NAA50: variants seen among roughly 807,000 people sequenced by gnomAD.
The protein encoded by NAA50 is N-alpha-acetyltransferase 50.
Under a neutral mutation model 20.7 loss-of-function variants are expected in NAA50, and 7 were observed. The ratio of observed to expected loss-of-function variants is 0.34; its 90% CI spans 0.19 to 0.63. NAA50 has a LOEUF of 0.63. Ranked by LOEUF, NAA50 falls within the 30% of genes least tolerant of loss-of-function variation. The probability of loss-of-function intolerance (pLI) is 0.75; values close to 1 mark genes in which losing one functional copy is unlikely to be tolerated. For synonymous variants in NAA50, 54 were observed against 70.6 expected (o/e 0.77, Z 1.18); for missense variants, 111 against 199.1 (o/e 0.56, Z 2.66).
chr3:113,722,454 T>A (rs1201880426), intron 4 of NAA50, among the ~76,000 whole-genome samples: 1 of 152,180 alleles, frequency 6.6e-6, no homozygotes, highest in Non-Finnish European at 1.5e-5. Flanking sequence ...ATCTTAGTCA[T>A]AACTCTTTAT....
rs907083745 is a variant in NAA50 at position 113,720,352 on chromosome 3, ATTATT to A, written c.*1403_*1407del. ...ATGACAGAAAGCTCAAGCCCTGTGC[ATTATT>A]TTAAAGTCTGAGAACATTTCTAAAT... is the stretch of plus-strand genomic sequence containing the variant. On this transcript the variant is annotated 3_prime_UTR_variant, in exon 5 of 5. Coordinates refer to ENST00000240922, the MANE Select transcript of NAA50 (RefSeq NM_025146.4). The A allele has an allele frequency of 5.2e-5, 8 of 152,520 alleles. No homozygotes were observed. Among genetic ancestry groups the A allele is most frequent in the East Asian group, 1.9e-4 (1 of 5,206 alleles). The allele number at this position is 152,520 out of a possible 1,614,324, so 9.4% of individuals were successfully genotyped here. A position where few individuals can be genotyped will look rare whatever the true frequency, so the allele number is the denominator to read the frequency against.
chr3:113,735,491 G>C (rs1364132048), intron 1 of NAA50, among the ~76,000 whole-genome samples: 2 of 152,166 alleles, frequency 1.3e-5, no homozygotes, highest in Admixed American at 6.5e-5. Context: ...ACGGGTCATT[G>C]GAAAAACTAT....
Position 113,719,971 on chromosome 3 carries a change from GAAGAT to G in NAA50, c.*1784_*1788del, listed in dbSNP as rs1708112899. ...CAAGAGCAAGCTGAAGCTTATTCATGAAGATAAAGGTGCTTAACGCTAAACTTTTC... is the reference window on the plus strand; with the variant it reads ...CAAGAGCAAGCTGAAGCTTATTCATGAAAGGTGCTTAACGCTAAACTTTTC... On this transcript the variant is annotated 3_prime_UTR_variant, in exon 5 of 5. Transcript: ENST00000240922. The G allele has an allele frequency of 6.6e-6, 1 of 152,634 alleles. No individual in the cohort carries two copies. Among genetic ancestry groups the G allele is most frequent in the Non-Finnish European group, 1.5e-5 (1 of 68,028 alleles). 9.5% of individuals were successfully genotyped at this position (152,634 alleles called of 1,614,324 possible).
intron 1 of NAA50, among the ~76,000 whole-genome samples, chr3:113,726,573 G>A (rs1466164831): frequency 2.6e-5 from 4 of 151,708 alleles, no homozygotes; most frequent in African/African-American, 9.7e-5. Flanking sequence ...GTGAAACTCT[G>A]TCTCTACTAA....
chr3:113,724,911 C>A (rs914668583), intron 1 of NAA50, among the ~76,000 whole-genome samples: 1 of 152,192 alleles, frequency 6.6e-6, no homozygotes, highest in Non-Finnish European at 1.5e-5. Context: ...GTGTTTGCTT[C>A]CCCTTCCACC....
At chr3:113,735,257 AG>A (rs1335607359) in intron 1 of NAA50, among the ~76,000 whole-genome samples, 1 of 152,236 alleles carries the variant, frequency 6.6e-6, no homozygotes, top group Non-Finnish European at 1.5e-5. Context: ...ACAAAATCAA[AG>A]AATGGATCCC....
intron 1 of NAA50, among the ~76,000 whole-genome samples, chr3:113,724,436 GC>G (rs1437970448): frequency 1.3e-5 from 2 of 152,082 alleles, no homozygotes; most frequent in African/African-American, 4.8e-5. Flanking sequence ...CAGTTCCTTT[GC>G]CCAAGTATCT....
At position 113,717,160 on chromosome 3, in the gene NAA50, C is replaced by A. The variant is rs564399933; in HGVS notation, c.*4600G>T. 1.3e-5 allele frequency: 2 copies of A among 152,090 alleles called. No individual in the cohort carries two copies. The highest frequency in any genetic ancestry group is 2.4e-5 in the African/African-American group (1 of 41,368). 9.4% of individuals were successfully genotyped at this position (152,090 alleles called of 1,614,324 possible). A position where few individuals can be genotyped will look rare whatever the true frequency, so the allele number is the denominator to read the frequency against. ...GACCAGCCTGGGCAACACGGTGAAA[C>A]CCCCATCTCTACTAAAATACAAAAA... On this transcript the variant is annotated 3_prime_UTR_variant, in exon 5 of 5. Transcript: ENST00000240922.
chr3:113,734,511 T>C (rs1486312934), intron 1 of NAA50, among the ~76,000 whole-genome samples: 1 of 152,154 alleles, frequency 6.6e-6, no homozygotes, highest in Non-Finnish European at 1.5e-5. Context: ...CATTACTCAT[T>C]ATATAAGGTA....
intron 1 of NAA50, among the ~76,000 whole-genome samples, chr3:113,740,593 C>G (rs1481468135): frequency 5.3e-5 from 8 of 152,274 alleles, no homozygotes; most frequent in African/African-American, 1.9e-4. Flanking sequence ...CCAGGCTGGT[C>G]TTGAACTCCT....
intron 1 of NAA50, among the ~76,000 whole-genome samples, chr3:113,732,634 CT>C (rs1160193037): frequency 1.3e-5 from 2 of 152,192 alleles, no homozygotes; most frequent in African/African-American, 4.8e-5. Flanking sequence ...TTCCTTTACT[CT>C]TCTTATAAGG....
chr3:113,734,344 C>T (rs1378066357), intron 1 of NAA50, among the ~76,000 whole-genome samples: 1 of 152,082 alleles, frequency 6.6e-6, no homozygotes, highest in Non-Finnish European at 1.5e-5. Flanking sequence ...AAACTACCTG[C>T]TGGGTATCAT....
intron 1 of NAA50, among the ~76,000 whole-genome samples, chr3:113,724,799 G>T (rs2107985272): frequency 6.6e-6 from 1 of 152,274 alleles, no homozygotes; most frequent in South Asian, 2.1e-4. Flanking sequence ...CCCTCATGCT[G>T]TTCTCGTGAT....
intron 1 of NAA50, among the ~76,000 whole-genome samples, chr3:113,733,796 T>A (rs777747609): frequency 6.9e-5 from 9 of 131,272 alleles, no homozygotes; most frequent in Non-Finnish European, 1.1e-4. Flanking sequence ...GAGGTTTCAG[T>A]GAGCTGAGAT....
At chr3:113,734,470 A>G (rs763112362) in intron 1 of NAA50, among the ~76,000 whole-genome samples, 3 of 152,214 alleles carry the variant, frequency 2.0e-5, no homozygotes, top group Non-Finnish European at 4.4e-5. Flanking sequence ...CTGAAAAAGA[A>G]TCCCTAACAA....
At chr3:113,745,105 C>T (rs1387514862) in intron 1 of NAA50, among the ~76,000 whole-genome samples, 2 of 152,152 alleles carry the variant, frequency 1.3e-5, no homozygotes, top group African/African-American at 4.8e-5. Context: ...GTAATTAATA[C>T]ATTAAAACTA....
intron 1 of NAA50, among the ~76,000 whole-genome samples, chr3:113,743,649 G>A (rs1708449376): frequency 1.3e-5 from 2 of 152,226 alleles, no homozygotes; most frequent in African/African-American, 4.8e-5. Context: ...CATTTGTTAA[G>A]TTAAAGGGAT....
In NAA50 at chr3:113,746,071, C is replaced by T; in HGVS notation, c.-122G>A. The T allele has an allele frequency of 1.5e-6, 2 of 1,367,738 alleles. No homozygotes were observed. The highest frequency in any genetic ancestry group is 2.1e-5 in the Admixed American group (1 of 46,658). The allele number at this position is 1,367,738 out of a possible 1,614,324, so 84.7% of individuals were successfully genotyped here. A position where few individuals can be genotyped will look rare whatever the true frequency, so the allele number is the denominator to read the frequency against. On this transcript the variant is annotated 5_prime_UTR_variant, in exon 1 of 5. Transcript: ENST00000240922. ...CCGCAAGCCGGCCTCCTAGCCTGGG[C>T]AGGGAGCTGTGCGAGCAACGAAGGC...
At position 113,746,115 on chromosome 3, in the gene NAA50, G is replaced by T; in HGVS notation, c.-166C>A. The stretch of plus-strand genomic sequence containing the variant: ...CGAAGGCCGCGAGAGTCGAGTGAGG[G>T]CTTGAGTCTGGTGGGGGCGGGAGTG... On this transcript the variant is annotated 5_prime_UTR_variant, in exon 1 of 5. Coordinates refer to ENST00000240922, the MANE Select transcript of NAA50 (RefSeq NM_025146.4). 1.2e-6 allele frequency: 1 copy of T among 833,870 alleles called. No homozygotes were observed. Among genetic ancestry groups the T allele is most frequent in the Non-Finnish European group, 1.8e-6 (1 of 546,420 alleles). The allele number at this position is 833,870 out of a possible 1,614,324, so 51.7% of individuals were successfully genotyped here.
Sources: gnomAD v4.1 joint callset for allele counts (sites outside exome capture counted in the v4.1 genomes callset) on GRCh38, gnomAD v4.1.1 for gene constraint, MANE v1.5 for transcripts, NCBI Gene and HGNC (gene_info 2026-07-23, HGNC 2026-07-21) for gene names.